SLC22A23: variants seen among roughly 807,000 people sequenced by gnomAD.
SLC22A23 encodes ion transporter protein.
A neutral mutation model predicts 61.0 loss-of-function variants in SLC22A23; 26 were observed. The ratio of observed to expected loss-of-function variants is 0.43; its 90% CI spans 0.31 to 0.59. The LOEUF is 0.59. SLC22A23 is among the 20% of genes least tolerant of loss of function. The pLI is 0.11. For missense variants in SLC22A23, 796 were observed against 934.7 expected, an observed-to-expected ratio of 0.85 and a Z score of 1.94; for synonymous variants, 430 against 413.9, an observed-to-expected ratio of 1.04 and a Z score of -0.47.
intron 1 of SLC22A23, 87 bp from the exon 2 acceptor site, chr6:3,415,942 GCAGGGA>G: frequency 1.1e-6 from 1 of 950,256 alleles, no homozygotes; most frequent in Non-Finnish European, 1.6e-6. Flanking sequence ...CAATAACCCT[GCAGGGA>G]CCACCGCACC....
intron 9 of SLC22A23, among the ~76,000 whole-genome samples, chr6:3,280,808 C>T (rs547396376): frequency 6.6e-6 from 1 of 152,268 alleles, no homozygotes; most frequent in East Asian, 1.9e-4. Context: ...TAAGATACAA[C>T]TTTTTAAAGA....
intron 3 of SLC22A23, among the ~76,000 whole-genome samples, chr6:3,337,737 G>A (rs1049726959): frequency 6.6e-6 from 1 of 152,342 alleles, no homozygotes; most frequent in Admixed American, 6.5e-5. Context: ...CTCGGCCTTG[G>A]TGATCCACGA....
At chr6:3,313,776 TTTGGGAGGCCAAGG>T (rs1450827483) in intron 4 of SLC22A23, 1 of 151,294 alleles carries the variant, frequency 6.6e-6, no homozygotes, top group African/African-American at 2.4e-5. Context: ...ATCCCAGCAT[TTTGGGAGGCCAAGG>T]TGGGTGGATC....
At chr6:3,418,406 T>C (rs1769882459) in intron 1 of SLC22A23, among the ~76,000 whole-genome samples, 1 of 152,224 alleles carries the variant, frequency 6.6e-6, no homozygotes, top group African/African-American at 2.4e-5. Flanking sequence ...AAATTGCCAA[T>C]ACTGTTGTGA....
At chr6:3,356,878 C>A (rs1347878437) in intron 3 of SLC22A23, among the ~76,000 whole-genome samples, 2 of 151,874 alleles carry the variant, frequency 1.3e-5, no homozygotes, top group Non-Finnish European at 2.9e-5. Flanking sequence ...GGGAAATGGC[C>A]CCTTCAAAGG....
intron 1 of SLC22A23, among the ~76,000 whole-genome samples, chr6:3,431,066 CAA>C (rs751754256): frequency 0.13 from 17,388 of 128,972 alleles, 1,377 homozygotes; most frequent in East Asian, 0.32. Flanking sequence ...AACTCCGTCT[CAA>C]AAAAAAAAAA....
intron 3 of SLC22A23, among the ~76,000 whole-genome samples, chr6:3,332,443 CTCT>C (rs1013987993): frequency 1.3e-5 from 2 of 152,150 alleles, no homozygotes; most frequent in Admixed American, 6.5e-5. Flanking sequence ...GTCTTCTTTT[CTCT>C]TCTTCTCTCA....
In SLC22A23 at chr6:3,271,688, G is replaced by A. The variant is rs1334874771; in HGVS notation, c.*1367C>T. On this transcript the variant is annotated 3_prime_UTR_variant, in exon 10 of 10. Transcript: ENST00000406686. Reference sequence around the variant, plus strand: ...CCCAAGTTGCTACAAAGTGGTGCCTGCCCTTGCCAAGGAGGCTGTCTCTTA... The same window carrying A: ...CCCAAGTTGCTACAAAGTGGTGCCTACCCTTGCCAAGGAGGCTGTCTCTTA... 6.6e-6 allele frequency: 1 copy of A among 152,304 alleles called. No individual in the cohort carries two copies. The highest frequency in any genetic ancestry group is 2.4e-5 in the African/African-American group (1 of 41,428). The allele number at this position is 152,304 out of a possible 1,614,324, so 9.4% of individuals were successfully genotyped here.
rs1760021410 is a variant in SLC22A23, at chr6:3,286,513, T to C, written c.1546+346A>G. Among the ~76,000 whole-genome samples the C allele has an allele frequency of 6.6e-6, 1 of 152,226 alleles. No homozygotes were observed. The highest frequency in any genetic ancestry group is 2.4e-5 in the African/African-American group (1 of 41,446). ...TGCAAGGGTGACAAAACAGATTTAT[T>C]TCCCCCTTAATGTCACTCGAAAGAG... On this transcript the variant is annotated intron_variant, in intron 7 of 9. Transcript: ENST00000406686. The surrounding 1 kb of genome is among the most constrained non-coding windows in gnomAD (Gnocchi z 4.2).
Position 3,282,052 on chromosome 6 carries a change from C to T in SLC22A23, c.1703+1800G>A, listed in dbSNP as rs112242162. 2.0e-5 allele frequency among the ~76,000 whole-genome samples: 3 copies of T among 152,342 alleles called. No homozygotes were observed. In the Middle Eastern group the frequency reaches 0.01, roughly 522 times the overall value. ...AACAGAGAATAATGATGCCTACCAA[C>T]TGCCAGAGTTAAGGGGTACCCGCTA... On this transcript the variant is annotated intron_variant, in intron 9 of 9. Transcript: ENST00000406686.
chr6:3,277,373 T>C (rs1412301909), intron 9 of SLC22A23, among the ~76,000 whole-genome samples: 1 of 142,434 alleles, frequency 7.0e-6, no homozygotes, highest in Non-Finnish European at 1.5e-5. Context: ...ACCCTCACCC[T>C]TCCAGGAACC....
chr6:3,298,739 G>A (rs962962915), intron 4 of SLC22A23, among the ~76,000 whole-genome samples: 4 of 152,098 alleles, frequency 2.6e-5, no homozygotes, highest in East Asian at 1.9e-4. Flanking sequence ...TTGGGAGGCC[G>A]AGGCGGGTGG....
chr6:3,352,332 GACACAC>G (rs144064567), intron 3 of SLC22A23, among the ~76,000 whole-genome samples: 1 of 149,892 alleles, frequency 6.7e-6, no homozygotes. Flanking sequence ...GACATGCACA[GACACAC>G]ACACACACAG....
intron 4 of SLC22A23, among the ~76,000 whole-genome samples, chr6:3,310,661 A>T (rs1326673170): frequency 7.1e-6 from 1 of 140,978 alleles, no homozygotes; most frequent in South Asian, 2.2e-4. Flanking sequence ...ATACTGTGAA[A>T]CCCTACGAGG....
At chr6:3,298,273 G>T in intron 4 of SLC22A23, 55 bp from the exon 5 acceptor site, 1 of 1,551,590 alleles carries the variant, frequency 6.4e-7, no homozygotes, top group East Asian at 2.5e-5. Flanking sequence ...ACGGCACCGG[G>T]AAGTGTGGCT....
At position 3,387,555 on chromosome 6, in the gene SLC22A23, C is replaced by T. The variant is rs752196752; in HGVS notation, c.913+22633G>A. 1.3e-5 allele frequency among the ~76,000 whole-genome samples: 2 copies of T among 152,174 alleles called. No homozygotes were observed. The highest frequency in any genetic ancestry group is 1.3e-4 in the Admixed American group (2 of 15,282). ...CTGGTGAGATTCAAGGAAAGTCCGTCGTTTAGTTAGTCCCACGACAACGTC... is the reference window on the plus strand; with the variant it reads ...CTGGTGAGATTCAAGGAAAGTCCGTTGTTTAGTTAGTCCCACGACAACGTC... On this transcript the variant is annotated intron_variant, in intron 3 of 9. Coordinates refer to ENST00000406686, the MANE Select transcript of SLC22A23 (RefSeq NM_015482.2). The surrounding 1 kb of genome is among the most constrained non-coding windows in gnomAD (Gnocchi z 5.0).
chr6:3,453,130 A>C (rs1301764608), intron 1 of SLC22A23, among the ~76,000 whole-genome samples: 3 of 152,208 alleles, frequency 2.0e-5, no homozygotes, highest in African/African-American at 2.4e-5. Context: ...AGAGACACAC[A>C]TGCCAACCAG....
intron 3 of SLC22A23, among the ~76,000 whole-genome samples, chr6:3,401,607 G>A (rs978302947): frequency 6.6e-6 from 1 of 152,144 alleles, no homozygotes; most frequent in African/African-American, 2.4e-5. Flanking sequence ...ATGCCCAAAG[G>A]ACATTTTTCA....
intron 1 of SLC22A23, among the ~76,000 whole-genome samples, chr6:3,436,233 A>G (rs13216490): frequency 0.17 from 25,268 of 151,678 alleles, 2,155 homozygotes; most frequent in Non-Finnish European, 0.18. Flanking sequence ...TTTGCCTCCC[A>G]GGTTCGATTC....
Sources: gnomAD v4.1 joint callset for allele counts (sites outside exome capture counted in the v4.1 genomes callset) on GRCh38, gnomAD v4.1.1 for gene constraint, Gnocchi (gnomAD v3.1) non-coding constraint, MANE v1.5 for transcripts, NCBI Gene and HGNC (gene_info 2026-07-23, HGNC 2026-07-21) for gene names.